BRINP3: variants seen among roughly 807,000 people sequenced by gnomAD.
BRINP3 encodes BMP/retinoic acid inducible neural specific 3.
A neutral mutation model predicts 71.0 loss-of-function variants in BRINP3; 19 were observed. The ratio of observed to expected loss-of-function variants is 0.27; its 90% CI spans 0.19 to 0.39. The LOEUF (loss-of-function observed/expected upper bound fraction) is 0.39, where lower values mean the gene tolerates loss of function less well. Ranked by LOEUF, BRINP3 falls within the 10% of genes least tolerant of loss-of-function variation. BRINP3 has a pLI of 1.00. For synonymous variants in BRINP3, 380 were observed against 337.7 expected (o/e 1.13, Z -1.37); for missense variants, 959 against 940.8 (o/e 1.02, Z -0.25).
chr1:190,320,372 T>C (rs1011781041), intron 2 of BRINP3, among the ~76,000 whole-genome samples: 2 of 152,062 alleles, frequency 1.3e-5, no homozygotes, highest in African/African-American at 4.8e-5. Context: ...ACAATGAACA[T>C]TGTTAGGAGA....
Position 190,364,631 on chromosome 1 carries a change from T to C in BRINP3, c.237-82881A>G, listed in dbSNP as rs529443510. Among the ~76,000 whole-genome samples the C allele has an allele frequency of 2.0e-5, 3 of 152,080 alleles. No homozygotes were observed. In the South Asian group the frequency reaches 6.2e-4, roughly 31 times the overall value. On this transcript the variant is annotated intron_variant, in intron 2 of 7. Transcript: ENST00000367462. ...TATTAAATATATATTTTATGTAAAA[T>C]TATAATAAATCATAGTAATCTAACA...
At chr1:190,172,473 T>C (rs934602855) in intron 6 of BRINP3, among the ~76,000 whole-genome samples, 3 of 152,158 alleles carry the variant, frequency 2.0e-5, no homozygotes, top group Non-Finnish European at 4.4e-5. Flanking sequence ...ATGGACTTTA[T>C]TGAATAAAAA....
At chr1:190,240,937 T>A (rs1162687169) in intron 4 of BRINP3, among the ~76,000 whole-genome samples, 1 of 150,346 alleles carries the variant, frequency 6.7e-6, no homozygotes, top group African/African-American at 2.4e-5. Context: ...TAAAAATATC[T>A]TTAATTTATT....
chr1:190,211,757 T>C (rs1037010239), intron 6 of BRINP3, among the ~76,000 whole-genome samples: 1 of 152,098 alleles, frequency 6.6e-6, no homozygotes. Context: ...GAAATCATTA[T>C]ATAAAACACC....
chr1:190,316,192 T>C (rs189423582), intron 2 of BRINP3, among the ~76,000 whole-genome samples: 3 of 152,244 alleles, frequency 2.0e-5, no homozygotes, highest in East Asian at 3.9e-4. Flanking sequence ...AGGTTGACTT[T>C]ATTTTGTTAC....
At chr1:190,266,516 C>A (rs1222529524) in intron 3 of BRINP3, among the ~76,000 whole-genome samples, 2 of 152,076 alleles carry the variant, frequency 1.3e-5, no homozygotes, top group African/African-American at 4.8e-5. Flanking sequence ...TGGGTCAAAT[C>A]ATCAACAATA....
chr1:190,098,947 T>G lies in BRINP3; in HGVS notation c.1372A>C (p.Thr458Pro). The G allele has an allele frequency of 3.7e-6, 6 of 1,613,996 alleles. No individual in the cohort carries two copies. Among genetic ancestry groups the G allele is most frequent in the Non-Finnish European group, 5.1e-6 (6 of 1,179,998 alleles). The change falls in exon 8 of 8, where the codon ACC (threonine) becomes CCC (proline). Residue 458 changes from threonine to proline, a missense_variant. Thr to Pro is a conservative substitution (Grantham distance 38). Coordinates refer to ENST00000367462, the MANE Select transcript of BRINP3 (RefSeq NM_199051.3). Reference sequence around the variant, plus strand: ...CCGGTGTTGCAGGTGCCGCAGCGGGTGCGGTTGTCTGGTGCGCATGTCAGG... The same window carrying G: ...CCGGTGTTGCAGGTGCCGCAGCGGGGGCGGTTGTCTGGTGCGCATGTCAGG... ...ACLTCAPDNR[T>P]RCGTCNTGYM...
In BRINP3 at chr1:190,353,099, G is replaced by T. The variant is rs188778605; in HGVS notation, c.237-71349C>A. 3.6e-4 allele frequency among the ~76,000 whole-genome samples: 55 copies of T among 151,216 alleles called. 1 individual carries two copies. In the East Asian group the frequency reaches 0.01, roughly 28 times the overall value. ...AAGCATTTTAACAAAAATGATATAT[G>T]CAGGCTCTCACCAGAGAACATGTTG... On this transcript the variant is annotated intron_variant, in intron 2 of 7. Coordinates refer to ENST00000367462, the MANE Select transcript of BRINP3 (RefSeq NM_199051.3).
At chr1:190,430,409 G>T (rs1445987060) in intron 2 of BRINP3, among the ~76,000 whole-genome samples, 1 of 152,110 alleles carries the variant, frequency 6.6e-6, no homozygotes. Context: ...TAGTCAAGGT[G>T]AATTAGAAAA....
intron 7 of BRINP3, among the ~76,000 whole-genome samples, chr1:190,122,003 C>A (rs1188524891): frequency 6.6e-6 from 1 of 152,110 alleles, no homozygotes; most frequent in Non-Finnish European, 1.5e-5. Flanking sequence ...AGCAATATTA[C>A]TGTGAAGAAT....
At chr1:190,206,113 C>A (rs544713104) in intron 6 of BRINP3, among the ~76,000 whole-genome samples, 7 of 152,112 alleles carry the variant, frequency 4.6e-5, no homozygotes, top group Admixed American at 2.0e-4. Context: ...TGCCAGTACA[C>A]CGTTGCCAAA....
intron 2 of BRINP3, among the ~76,000 whole-genome samples, chr1:190,299,539 C>T (rs915962927): frequency 6.0e-5 from 9 of 150,576 alleles, no homozygotes; most frequent in African/African-American, 2.2e-4. Context: ...CCCACTAACT[C>T]GTCATCTAGC....
intron 2 of BRINP3, among the ~76,000 whole-genome samples, chr1:190,356,210 A>G (rs1321207010): frequency 6.6e-6 from 1 of 151,972 alleles, no homozygotes; most frequent in African/African-American, 2.4e-5. Flanking sequence ...GGTTAACTCT[A>G]AATTTGAGCA....
At chr1:190,194,774 G>A (rs914663131) in intron 6 of BRINP3, among the ~76,000 whole-genome samples, 3 of 152,048 alleles carry the variant, frequency 2.0e-5, no homozygotes, top group Non-Finnish European at 4.4e-5. Context: ...AATTTAGAAT[G>A]AGCAGCTTCA....
chr1:190,444,225 G>A (rs1263320053), intron 2 of BRINP3, among the ~76,000 whole-genome samples: 1 of 54,430 alleles, frequency 1.8e-5, no homozygotes, highest in Non-Finnish European at 3.3e-5. Context: ...GGCAACAAGA[G>A]CAAAACTCCG....
intron 2 of BRINP3, among the ~76,000 whole-genome samples, chr1:190,282,560 G>A (rs999607780): frequency 3.9e-5 from 6 of 151,914 alleles, no homozygotes; most frequent in African/African-American, 1.2e-4. Flanking sequence ...ATACTTCAAA[G>A]TGTGTTAATT....
chr1:190,376,587 C>T (rs1205406420), intron 2 of BRINP3, among the ~76,000 whole-genome samples: 1 of 151,922 alleles, frequency 6.6e-6, no homozygotes, highest in Non-Finnish European at 1.5e-5. Context: ...TATGAAGAAA[C>T]AGAGAATTAC....
At chr1:190,153,950 C>T (rs1656645795) in intron 7 of BRINP3, 1 of 375,618 alleles carries the variant, frequency 2.7e-6, no homozygotes, top group Non-Finnish European at 3.7e-6. Context: ...ACTCAAATAA[C>T]AGTAACTTAT....
intron 7 of BRINP3, among the ~76,000 whole-genome samples, chr1:190,143,202 T>G (rs1655605154): frequency 6.6e-6 from 1 of 152,182 alleles, no homozygotes; most frequent in East Asian, 1.9e-4. Flanking sequence ...ATTTTTGGCT[T>G]ATGGAGAACA....
Sources: gnomAD v4.1 joint callset for allele counts (sites outside exome capture counted in the v4.1 genomes callset) on GRCh38, gnomAD v4.1.1 for gene constraint, MANE v1.5 for transcripts, NCBI Gene and HGNC (gene_info 2026-07-23, HGNC 2026-07-21) for gene names.